CNIH3: variants seen among roughly 807,000 people sequenced by gnomAD.
The protein encoded by CNIH3 is cornichon family AMPA receptor auxiliary protein 3.
In CNIH3, 14 loss-of-function variants were observed where a neutral mutation model predicts 24.1. That is an observed-to-expected ratio of 0.58 (90% CI 0.38 to 0.91). The LOEUF is 0.91. Among genes scored for constraint, CNIH3 ranks in the 40% least tolerant of loss-of-function variants. The probability of loss-of-function intolerance (pLI) is 0.00; values close to 1 mark genes in which losing one functional copy is unlikely to be tolerated. For missense variants in CNIH3, 178 were observed against 196.8 expected, an observed-to-expected ratio of 0.90 and a Z score of 0.57; for synonymous variants, 68 against 73.8, an observed-to-expected ratio of 0.92 and a Z score of 0.40.
At chr1:224,512,920 C>A (rs1049134918), upstream of CNIH3, among the ~76,000 whole-genome samples, 1 of 152,184 alleles carries the variant, frequency 6.6e-6, no homozygotes, top group Non-Finnish European at 1.5e-5. Flanking sequence ...CTGGCTCTCC[C>A]GCTTTTGGCC....
intron 3 of CNIH3, among the ~76,000 whole-genome samples, chr1:224,597,077 G>A (rs1023993658): frequency 1.3e-5 from 2 of 151,928 alleles, no homozygotes; most frequent in Non-Finnish European, 2.9e-5. Context: ...TCTTGAACCC[G>A]AGAGGTGCAG....
chr1:224,725,403 G>GT (rs1377328694), intron 3 of CNIH3, among the ~76,000 whole-genome samples: 1 of 152,172 alleles, frequency 6.6e-6, no homozygotes, highest in Non-Finnish European at 1.5e-5. Context: ...ATAGCACACA[G>GT]TTGAGTATTA....
At chr1:224,647,207 T>C (rs1684648909) in intron 1 of CNIH3, among the ~76,000 whole-genome samples, 1 of 152,198 alleles carries the variant, frequency 6.6e-6, no homozygotes, top group Non-Finnish European at 1.5e-5. Flanking sequence ...GGTCTTGAAC[T>C]CCTGGCCTCA....
intron 1 of CNIH3, among the ~76,000 whole-genome samples, chr1:224,516,116 AC>A (rs1267832798): frequency 6.6e-6 from 1 of 151,906 alleles, no homozygotes; most frequent in Non-Finnish European, 1.5e-5. Flanking sequence ...AGAGATAGAG[AC>A]CATTCTAGCC....
chr1:224,477,358 T>A (rs1161086266), intron 1 of CNIH3, among the ~76,000 whole-genome samples: 4 of 152,254 alleles, frequency 2.6e-5, no homozygotes, highest in Non-Finnish European at 5.9e-5. Flanking sequence ...CTAAGTCGAA[T>A]TCTGAATTTC....
intron 1 of CNIH3, among the ~76,000 whole-genome samples, chr1:224,451,414 ATATTG>A (rs1480300203): frequency 2.0e-5 from 3 of 152,146 alleles, no homozygotes; most frequent in African/African-American, 4.8e-5. Context: ...GGGTGGGTAG[ATATTG>A]GAAACTAGAT....
intron 3 of CNIH3, among the ~76,000 whole-genome samples, chr1:224,608,019 G>T (rs1187591192): frequency 6.6e-6 from 1 of 152,096 alleles, no homozygotes; most frequent in South Asian, 2.1e-4. Flanking sequence ...CAAGTCAGGC[G>T]GCACCAAAGT....
intron 1 of CNIH3, among the ~76,000 whole-genome samples, chr1:224,653,277 C>T (rs1684946619): frequency 6.6e-6 from 1 of 152,040 alleles, no homozygotes; most frequent in Non-Finnish European, 1.5e-5. Context: ...ACAAAATTAG[C>T]CTGGCGTGGT....
exon 6 of CNIH3, chr1:224,588,468 G>C (rs1326345072): frequency 2.0e-5 from 3 of 152,142 alleles, no homozygotes; most frequent in Non-Finnish European, 4.4e-5. Context: ...GTCTGCGTAA[G>C]AATTCCCATT....
intron 3 of CNIH3, among the ~76,000 whole-genome samples, chr1:224,595,807 A>C (rs1336716395): frequency 6.6e-6 from 1 of 152,264 alleles, no homozygotes; most frequent in Non-Finnish European, 1.5e-5. Flanking sequence ...ATTAGATGGA[A>C]GATCAAACCA....
chr1:224,459,754 T>C (rs1009110002), intron 1 of CNIH3, among the ~76,000 whole-genome samples: 7 of 152,000 alleles, frequency 4.6e-5, no homozygotes, highest in Non-Finnish European at 1.0e-4. Flanking sequence ...CTTTGTAAAA[T>C]GCACATTTGA....
rs78566403 is a variant in CNIH3, at chr1:224,673,459, C to T, written c.82-7499C>T. On this transcript the variant is annotated intron_variant, in intron 1 of 5. Coordinates refer to ENST00000272133, the MANE Select transcript of CNIH3 (RefSeq NM_152495.2). ...GCCTCACACCTGCCAAGCTTATTTC[C>T]TGCTTCTGGCATCTGCAGCATAATT... Among the ~76,000 whole-genome samples, 99 of 152,312 alleles carry T rather than the reference C, an allele frequency of 6.5e-4. No individual in the cohort carries two copies. In the East Asian group the frequency reaches 0.016, roughly 24 times the overall value.
chr1:224,640,549 T>C (rs1684306689), intron 1 of CNIH3, among the ~76,000 whole-genome samples: 2 of 152,218 alleles, frequency 1.3e-5, no homozygotes, highest in African/African-American at 4.8e-5. Flanking sequence ...TGTCTCTCCT[T>C]TTCTGCGATC....
At chr1:224,525,766 G>A (rs1487345202) in intron 2 of CNIH3, among the ~76,000 whole-genome samples, 1 of 152,136 alleles carries the variant, frequency 6.6e-6, no homozygotes, top group Non-Finnish European at 1.5e-5. Flanking sequence ...TGGAATCCTG[G>A]GAGTACGAAT....
At chr1:224,520,279 A>G (rs1396831038) in intron 1 of CNIH3, among the ~76,000 whole-genome samples, 1 of 152,224 alleles carries the variant, frequency 6.6e-6, no homozygotes, top group Non-Finnish European at 1.5e-5. Context: ...AGGCTTGAGC[A>G]CAACACATTA....
intron 1 of CNIH3, among the ~76,000 whole-genome samples, chr1:224,502,874 G>C (rs915449816): frequency 6.6e-6 from 1 of 152,198 alleles, no homozygotes; most frequent in Non-Finnish European, 1.5e-5. Context: ...AGACATAAAA[G>C]GTGGAGGGAA....
chr1:224,459,932 A>G (rs1276081812), intron 1 of CNIH3, among the ~76,000 whole-genome samples: 2 of 146,156 alleles, frequency 1.4e-5, no homozygotes, highest in Admixed American at 7.0e-5. Flanking sequence ...GCCAGAGTGC[A>G]GAGGTATGTG....
chr1:224,630,984 C>A (rs1271816001), intron 1 of CNIH3, among the ~76,000 whole-genome samples: 3 of 152,012 alleles, frequency 2.0e-5, no homozygotes, highest in Admixed American at 6.6e-5. Flanking sequence ...CATGGTGAAG[C>A]CCCATCTCTA....
At chr1:224,598,104 T>C (rs990809649) in intron 3 of CNIH3, among the ~76,000 whole-genome samples, 6 of 152,204 alleles carry the variant, frequency 3.9e-5, no homozygotes, top group Non-Finnish European at 5.9e-5. Context: ...CATTCTAACA[T>C]GCCATTAAGA....
Sources: allele counts gnomAD v4.1 joint callset (sites outside exome capture counted in the v4.1 genomes callset), GRCh38; gene constraint gnomAD v4.1.1; transcripts MANE v1.5; gene names NCBI Gene and HGNC (gene_info 2026-07-23, HGNC 2026-07-21).